The following LAMA3 variants were observed in gnomAD, a reference collection of about 807,000 sequenced individuals.
The protein encoded by LAMA3 is laminin subunit alpha-3.
A neutral mutation model predicts 402.0 loss-of-function variants in LAMA3; 281 were observed. That is an observed-to-expected ratio of 0.70 (90% CI 0.63 to 0.77). LAMA3 has a LOEUF of 0.77. LAMA3 is among the 30% of genes least tolerant of loss of function. The probability of loss-of-function intolerance (pLI) is 0.00; values close to 1 mark genes in which losing one functional copy is unlikely to be tolerated. For synonymous variants in LAMA3, 1,431 were observed against 1,558.4 expected, an observed-to-expected ratio of 0.92 and a Z score of 1.93; for missense variants, 3,840 against 4,215.5, an observed-to-expected ratio of 0.91 and a Z score of 2.47.
intron 67 of LAMA3, among the ~76,000 whole-genome samples, chr18:23,934,831 C>G (rs1227351669): frequency 6.6e-6 from 1 of 152,256 alleles, no homozygotes; most frequent in African/African-American, 2.4e-5. Flanking sequence ...CTGTTCAACA[C>G]ACTTTCCACT....
chr18:23,822,223 A>G (rs1331228471), intron 19 of LAMA3, 29 bp from the exon 20 acceptor site: 1 of 1,613,214 alleles, frequency 6.2e-7, no homozygotes, highest in Non-Finnish European at 8.5e-7. Context: ...ATTTTTTTCT[A>G]TGCTTTATGG....
At chr18:23,912,936 G>A (rs2081484716) in intron 56 of LAMA3, 55 bp downstream of exon 56, 3 of 1,513,156 alleles carry the variant, frequency 2.0e-6, no homozygotes, top group Non-Finnish European at 2.7e-6. Context: ...TTCGAGAGGT[G>A]TGCTTTTGAG....
Position 23,822,277 on chromosome 18 carries a change from T to A in LAMA3, c.2330T>A (p.Val777Glu), listed in dbSNP as rs778610006. The change falls in exon 20 of 75, where the codon GTA becomes GAA. Residue 777 changes from valine to glutamate, a missense_variant. Physicochemically the swap from Val to Glu is moderately radical, Grantham distance 121. This residue lies in a region of LAMA3 where 2,109 missense variants were observed against 2,376.0 expected (regional missense o/e 0.89). Transcript: ENST00000313654. The stretch of plus-strand genomic sequence containing the variant: ...AATGATGTAAGAATAACATTGAATG[T>A]AGGGAAGTCAAGTGGCTCCTTGTTT... ...VQNDVRITLN[V>E]GKSSGSLFRV... is the part of the protein sequence containing the mutation. 13 of 1,613,876 alleles carry A rather than the reference T, an allele frequency of 8.1e-6. No homozygotes were observed. In the South Asian group the frequency reaches 1.4e-4, roughly 18 times the overall value.
At position 23,696,426 on chromosome 18, in the gene LAMA3, T is replaced by G. The variant is rs576194772; in HGVS notation, c.294+6449T>G. Among the ~76,000 whole-genome samples the G allele has an allele frequency of 7.2e-5, 11 of 152,342 alleles. No homozygotes were observed. In the East Asian group the frequency reaches 2.1e-3, roughly 29 times the overall value. On this transcript the variant is annotated intron_variant, in intron 1 of 74. Coordinates refer to ENST00000313654, the MANE Select transcript of LAMA3 (RefSeq NM_198129.4). ...TTATTTCATTATCTTCTAGGTAAAC[T>G]TATTAGACTTTTCTTTGAATAAAAA...
Position 23,749,497 on chromosome 18 carries a change from T to A in LAMA3, c.635T>A (p.Val212Glu). The change falls in exon 4 of 75, where the codon GTA becomes GAA. Residue 212 changes from valine (V) to glutamate (E), a missense_variant. By Grantham distance (121) the Val-to-Glu change is moderately radical. Transcript: ENST00000313654. ...ATGGCTGTCACCCGGGATGATGATG[T>A]ACTTTGTGTTACTGAATATTCCCGT... ...ANMAVTRDDD[V>E]LCVTEYSRIV... 6.2e-7 allele frequency: 1 copy of A among 1,613,038 alleles called. No homozygotes were observed. The highest frequency in any genetic ancestry group is 8.5e-7 in the Non-Finnish European group (1 of 1,178,962).
At chr18:23,916,846 C>T in intron 60 of LAMA3, 151 bp downstream of exon 60, 2 of 811,116 alleles carry the variant, frequency 2.5e-6, no homozygotes, top group Non-Finnish European at 2.0e-6. Flanking sequence ...GTTGTACTTT[C>T]TGTTGGCTGG....
Position 23,916,669 on chromosome 18 carries a change from G to A in LAMA3, c.7897G>A (p.Gly2633Ser), listed in dbSNP as rs745773015. 17 of 1,614,046 alleles carry A rather than the reference G, an allele frequency of 1.1e-5. No homozygotes were observed. Among genetic ancestry groups the A allele is most frequent in the South Asian group, 4.4e-5 (4 of 91,086 alleles). ...GACAATTCAGACCACCGTGGATAGA[G>A]GCTTGCTGTTCTTTGCAGAAAACGG... ...GQTIQTTVDR[G>S]LLFFAENGDR... The change falls in exon 60 of 75, where the codon GGC becomes AGC. Residue 2633 changes from glycine (G) to serine (S), a missense_variant. Physicochemically the swap from Gly to Ser is moderately conservative, Grantham distance 56. Coordinates refer to ENST00000313654, the MANE Select transcript of LAMA3 (RefSeq NM_198129.4).
chr18:23,873,481 T>G lies in LAMA3; in HGVS notation c.4998+1820T>G, dbSNP rs560665892. ...ATGCTTGCGGGATGTTAATATACGA[T>G]GAAACTTTATGCCCTTTAGAGACCA... is the stretch of plus-strand genomic sequence containing the variant. On this transcript the variant is annotated intron_variant, in intron 38 of 74. Transcript: ENST00000313654. 3.3e-5 allele frequency among the ~76,000 whole-genome samples: 5 copies of G among 152,290 alleles called. No homozygotes were observed. The East Asian group carries it at 9.7e-4, about 29-fold the overall frequency.
intron 1 of LAMA3, chr18:23,709,943 G>A: frequency 1.4e-6 from 1 of 720,836 alleles, no homozygotes; most frequent in South Asian, 1.3e-5. Flanking sequence ...CAATGTCATA[G>A]AGCTTCTTCA....
At chr18:23,731,581 A>G (rs889391982) in intron 2 of LAMA3, among the ~76,000 whole-genome samples, 1 of 152,206 alleles carries the variant, frequency 6.6e-6, no homozygotes, top group African/African-American at 2.4e-5. Flanking sequence ...TGAAGAAGAC[A>G]TACACTTCAC....
intron 4 of LAMA3, 66 bp downstream of exon 4, chr18:23,749,612 C>A: frequency 1.0e-6 from 1 of 992,190 alleles, no homozygotes; most frequent in Non-Finnish European, 1.6e-6. Flanking sequence ...TCCAATTTTT[C>A]ATAATTGCGA....
chr18:23,769,708 A>G (rs2062154431), intron 8 of LAMA3, among the ~76,000 whole-genome samples: 2 of 152,252 alleles, frequency 1.3e-5, no homozygotes, highest in South Asian at 4.1e-4. Flanking sequence ...CACCAGACAC[A>G]AAAGGAAGGG....
At position 23,931,091 on chromosome 18, in the gene LAMA3, T is replaced by C. The variant is rs756426848; in HGVS notation, c.8466T>C (p.Asp2822=). The change falls in exon 65 of 75, where the codon GAT becomes GAC. Residue 2822 remains aspartate (D), a synonymous_variant. Coordinates refer to ENST00000313654, the MANE Select transcript of LAMA3 (RefSeq NM_198129.4). ...GGAACCTGCAGGTCACTCTGGAAGA[T>C]GGTTACATTGAATTGAGCACCAGCG... is the stretch of plus-strand genomic sequence containing the variant. ...WTRNLQVTLE[D]GYIELSTSDS... is the part of the protein sequence containing the mutation. 4.3e-6 allele frequency: 7 copies of C among 1,613,758 alleles called. No homozygotes were observed. Among genetic ancestry groups the C allele is most frequent in the African/African-American group, 2.7e-5 (2 of 74,916 alleles).
intron 21 of LAMA3, among the ~76,000 whole-genome samples, chr18:23,825,476 A>G (rs563565999): frequency 6.6e-6 from 1 of 152,320 alleles, no homozygotes; most frequent in South Asian, 2.1e-4. Flanking sequence ...TGTCTCTTCC[A>G]GTCCTGCCAG....
Position 23,842,610 on chromosome 18 carries a change from G to A in LAMA3, c.3464-1G>A. ...AGAAAGTCTCTCTCTCTCTCTGCCA[G>A]GCTCCTTCCATGCCTCTTTTTGCCC... On this transcript the variant is annotated splice_acceptor_variant, in intron 28 of 74. Transcript: ENST00000313654. LOFTEE classifies it high-confidence loss of function. 6.2e-7 allele frequency: 1 copy of A among 1,614,216 alleles called. No individual in the cohort carries two copies. The highest frequency in any genetic ancestry group is 1.3e-5 in the African/African-American group (1 of 75,064).
At chr18:23,790,325 A>G (rs144081027) in intron 12 of LAMA3, among the ~76,000 whole-genome samples, 101 of 152,358 alleles carry the variant, frequency 6.6e-4, no homozygotes, top group African/African-American at 2.4e-3. Context: ...AGAAATTATT[A>G]GAATGCATCA....
intron 12 of LAMA3, among the ~76,000 whole-genome samples, chr18:23,799,240 C>T (rs1312012288): frequency 6.6e-6 from 1 of 151,974 alleles, no homozygotes; most frequent in Admixed American, 6.6e-5. Flanking sequence ...AAAGCAGAAA[C>T]AATGAGGAGT....
chr18:23,736,641 C>T (rs1332113711), intron 2 of LAMA3, among the ~76,000 whole-genome samples: 2 of 152,112 alleles, frequency 1.3e-5, no homozygotes, highest in African/African-American at 4.8e-5. Context: ...TTTAATATTT[C>T]ACATTTGCAA....
chr18:23,759,381 A>G (rs959202999), intron 7 of LAMA3, among the ~76,000 whole-genome samples: 3 of 151,818 alleles, frequency 2.0e-5, no homozygotes, highest in Non-Finnish European at 4.4e-5. Context: ...TAACAAACAA[A>G]CCCTAAGACA....
Sources: allele counts gnomAD v4.1 joint callset (sites outside exome capture counted in the v4.1 genomes callset), GRCh38; gene constraint gnomAD v4.1.1; regional missense constraint gnomAD v4.1.1; transcripts MANE v1.5; gene names NCBI Gene and HGNC (gene_info 2026-07-23, HGNC 2026-07-21).